GRID2: variants seen among roughly 807,000 people sequenced by gnomAD.
The protein encoded by GRID2 is glutamate receptor ionotropic, delta-2.
A neutral mutation model predicts 114.8 loss-of-function variants in GRID2; 33 were observed. The observed-to-expected ratio is 0.29, with a 90% CI of 0.22 to 0.38. The LOEUF is 0.38. Among genes scored for constraint, GRID2 ranks in the 10% least tolerant of loss-of-function variants. GRID2 has a pLI of 1.00. For missense variants in GRID2, 1,184 were observed against 1,257.7 expected (o/e 0.94, Z 0.89); for synonymous variants, 505 against 449.9 (o/e 1.12, Z -1.55).
intron 11 of GRID2, among the ~76,000 whole-genome samples, chr4:93,484,989 CAG>C (rs1343768558): frequency 2.0e-5 from 3 of 151,818 alleles, no homozygotes; most frequent in Non-Finnish European, 4.4e-5. Context: ...CGTTAGTTTT[CAG>C]AGATCATTTA....
intron 2 of GRID2, among the ~76,000 whole-genome samples, chr4:92,900,560 G>A (rs1490375935): frequency 1.3e-5 from 2 of 152,182 alleles, no homozygotes; most frequent in Admixed American, 6.5e-5. Context: ...GCCAGGCACG[G>A]CGGCTCACGC....
chr4:93,606,043 G>C (rs1454239096), intron 13 of GRID2, among the ~76,000 whole-genome samples: 1 of 152,128 alleles, frequency 6.6e-6, no homozygotes, highest in East Asian at 1.9e-4. Context: ...GAGGTAGCTA[G>C]ATCACTTTGG....
intron 2 of GRID2, among the ~76,000 whole-genome samples, chr4:92,986,038 C>T (rs1326025642): frequency 1.3e-5 from 2 of 152,124 alleles, no homozygotes; most frequent in Admixed American, 6.5e-5. Flanking sequence ...TGTAGCACAG[C>T]CAAGGCATGC....
intron 8 of GRID2, among the ~76,000 whole-genome samples, chr4:93,263,320 A>G (rs879644272): frequency 8.6e-5 from 13 of 152,000 alleles, no homozygotes; most frequent in Non-Finnish European, 1.5e-5. Context: ...ACTGACTTCT[A>G]AAGAATGAAG....
intron 8 of GRID2, among the ~76,000 whole-genome samples, chr4:93,311,193 A>G (rs968111862): frequency 6.6e-6 from 1 of 152,196 alleles, no homozygotes; most frequent in African/African-American, 2.4e-5. Flanking sequence ...TTGAAGTGCT[A>G]GCAGCTGAAG....
chr4:92,849,110 C>A (rs1743561880), intron 2 of GRID2, among the ~76,000 whole-genome samples: 1 of 151,934 alleles, frequency 6.6e-6, no homozygotes, highest in Admixed American at 6.6e-5. Context: ...ATGCCGCCTA[C>A]CATCACCATG....
chr4:93,266,271 A>T (rs1352313671), intron 8 of GRID2, among the ~76,000 whole-genome samples: 1 of 152,200 alleles, frequency 6.6e-6, no homozygotes, highest in East Asian at 1.9e-4. Context: ...ATTTTATTCG[A>T]GGACCTACTG....
At chr4:93,417,248 T>A (rs1227137603) in intron 9 of GRID2, among the ~76,000 whole-genome samples, 1 of 152,032 alleles carries the variant, frequency 6.6e-6, no homozygotes, top group South Asian at 2.1e-4. Flanking sequence ...CCTAATCCCC[T>A]CTCTTGTAAT....
In GRID2 at chr4:93,772,183, C is replaced by A. The variant is rs752786220; in HGVS notation, c.2709C>A (p.Thr903=). 6.2e-7 allele frequency: 1 copy of A among 1,613,642 alleles called. No homozygotes were observed. The highest frequency in any genetic ancestry group is 8.5e-7 in the Non-Finnish European group (1 of 1,179,686). Reference sequence around the variant, plus strand: ...TTTCCACCTCGTCAATTGATTTGACCCCTCTGGACATTGACACTTTGCCAA... The same window carrying A: ...TTTCCACCTCGTCAATTGATTTGACACCTCTGGACATTGACACTTTGCCAA... ...KQFSTSSIDL[T]PLDIDTLPTR... Residue 903 remains threonine (T), a synonymous_variant, in exon 16 of 16, where the codon ACC becomes ACA. Transcript: ENST00000282020.
chr4:92,803,849 C>CTCTCTCAGTTCTGA (rs1317781352), intron 2 of GRID2, among the ~76,000 whole-genome samples: 1 of 151,994 alleles, frequency 6.6e-6, no homozygotes, highest in Non-Finnish European at 1.5e-5. Flanking sequence ...AGACTTTATT[C>CTCTCTCAGTTCTGA]TCTCTCAGTT....
At chr4:93,222,020 C>A (rs550839338) in intron 6 of GRID2, among the ~76,000 whole-genome samples, 14 of 152,274 alleles carry the variant, frequency 9.2e-5, no homozygotes, top group South Asian at 2.1e-4. Flanking sequence ...CTGCCAAACA[C>A]ACCTAGCTTT....
chr4:92,937,284 T>C (rs1286170522), intron 2 of GRID2, among the ~76,000 whole-genome samples: 2 of 146,900 alleles, frequency 1.4e-5, no homozygotes, highest in East Asian at 2.2e-4. Context: ...TCATAGAGAT[T>C]TTCCGCATTC....
At chr4:93,783,940 C>T (rs868307684) in intron 1 of GRID2, among the ~76,000 whole-genome samples, 15 of 149,240 alleles carry the variant, frequency 1.0e-4, no homozygotes, top group African/African-American at 2.2e-4. Context: ...GGCGTAGTGG[C>T]GGGCGCCTGT....
At chr4:92,577,925 C>T (rs1244974881) in intron 1 of GRID2, among the ~76,000 whole-genome samples, 1 of 151,934 alleles carries the variant, frequency 6.6e-6, no homozygotes, top group African/African-American at 2.4e-5. Flanking sequence ...TGGTGAATCA[C>T]GATGGGATTA....
chr4:92,526,674 A>G (rs1725061189), intron 1 of GRID2, among the ~76,000 whole-genome samples: 1 of 152,062 alleles, frequency 6.6e-6, no homozygotes, highest in South Asian at 2.1e-4. Context: ...TTAAAATGTA[A>G]GCCTTAAGTT....
chr4:93,054,603 C>T (rs549583131), intron 2 of GRID2, among the ~76,000 whole-genome samples: 152 of 152,010 alleles, frequency 1.0e-3, no homozygotes, highest in Non-Finnish European at 1.2e-3. Context: ...ATAAGTGGCA[C>T]TCTTTATATT....
intron 14 of GRID2, among the ~76,000 whole-genome samples, chr4:93,708,627 CTA>C: frequency 6.6e-6 from 1 of 151,924 alleles, no homozygotes; most frequent in South Asian, 2.1e-4. Context: ...TTTATCCACG[CTA>C]TGTCTTTTTA....
intron 2 of GRID2, among the ~76,000 whole-genome samples, chr4:92,883,549 G>C (rs1471934488): frequency 6.6e-6 from 1 of 152,124 alleles, no homozygotes; most frequent in Non-Finnish European, 1.5e-5. Flanking sequence ...GTCTATGGTA[G>C]CTAGAGCCTT....
In GRID2 at chr4:92,304,458, GT is replaced by G; in HGVS notation, c.-196del. The G allele has an allele frequency of 1.7e-6, 1 of 604,124 alleles. No individual in the cohort carries two copies. The highest frequency in any genetic ancestry group is 2.8e-5 in the East Asian group (1 of 35,760). 37.4% of individuals were successfully genotyped at this position (604,124 alleles called of 1,614,324 possible). On this transcript the variant is annotated 5_prime_UTR_variant, in exon 1 of 16. Transcript: ENST00000282020. ...CAAGTGACACGGCTTTGCGAAGGAG[GT>G]TTCCTCAGGCTGGGCTCTTTCTGTC...
Sources: allele counts gnomAD v4.1 joint callset (sites outside exome capture counted in the v4.1 genomes callset), GRCh38; gene constraint gnomAD v4.1.1; transcripts MANE v1.5; gene names NCBI Gene and HGNC (gene_info 2026-07-23, HGNC 2026-07-21).